The following CCL17 variants were observed in gnomAD, a reference collection of about 807,000 sequenced individuals.
CCL17 encodes the protein C-C motif chemokine ligand 17.
In CCL17, 8 loss-of-function variants were observed where a neutral mutation model predicts 7.4. The observed-to-expected ratio is 1.09, with a 90% CI of 0.64 to 1.96. The LOEUF (loss-of-function observed/expected upper bound fraction) is 1.96, where lower values mean the gene tolerates loss of function less well. Among genes scored for constraint, CCL17 ranks in the 30% most tolerant of loss-of-function variants. CCL17 has a pLI of 0.00. For missense variants in CCL17, 102 were observed against 113.0 expected (o/e 0.90, Z 0.44); for synonymous variants, 40 against 46.1 (o/e 0.87, Z 0.54).
the CCL17 span, among the ~76,000 whole-genome samples, chr16:57,399,657 C>T: frequency 6.6e-6 from 1 of 152,072 alleles, no homozygotes; most frequent in Non-Finnish European, 1.5e-5. Flanking sequence ...ACCATGTTGG[C>T]CAGGCTGGTC....
intron 1 of CCL17, among the ~76,000 whole-genome samples, chr16:57,412,718 G>A (rs1902803797): frequency 6.6e-6 from 1 of 152,060 alleles, no homozygotes; most frequent in Non-Finnish European, 1.5e-5. Flanking sequence ...TGCCCTGCCT[G>A]GAGCTGCCCT....
At chr16:57,408,423 A>AT (rs113022368) in intron 1 of CCL17, among the ~76,000 whole-genome samples, 33,411 of 151,992 alleles carry the variant, frequency 0.22, 7,335 homozygotes, top group African/African-American at 0.57. Flanking sequence ...ACATATATAT[A>AT]TTTTTTGAGA....
chr16:57,413,931 C>T lies in CCL17; in HGVS notation c.-2C>T. On this transcript the variant is annotated 5_prime_UTR_variant, in exon 2 of 4. Coordinates refer to ENST00000219244, the MANE Select transcript of CCL17 (RefSeq NM_002987.3). ...GAGACTCCCTCCTGGGCTCCTGGCA[C>T]CATGGCCCCACTGAAGATGCTGGCC... is the stretch of plus-strand genomic sequence containing the variant. 1 of 1,606,204 alleles carries T rather than the reference C, an allele frequency of 6.2e-7. No individual in the cohort carries two copies. The highest frequency in any genetic ancestry group is 1.3e-5 in the African/African-American group (1 of 74,890).
chr16:57,413,837 G>A (rs931547012), intron 1 of CCL17, 37 bp from the exon 2 acceptor site: 14 of 1,052,678 alleles, frequency 1.3e-5, no homozygotes, highest in Middle Eastern at 2.1e-4. Flanking sequence ...CCCCCAAAGA[G>A]GTTAAATAGG....
At chr16:57,403,006 T>C (rs369615021), upstream of CCL17, among the ~76,000 whole-genome samples, 4 of 103,878 alleles carry the variant, frequency 3.9e-5, no homozygotes, top group South Asian at 5.3e-4. Context: ...TGTCAGAGGA[T>C]ATAAGCATTT....
Position 57,412,129 on chromosome 16 carries a change from G to A in CCL17, c.-59-1745G>A, listed in dbSNP as rs142694936. Among the ~76,000 whole-genome samples the A allele has an allele frequency of 2.0e-4, 31 of 152,326 alleles. No homozygotes were observed. In the East Asian group the frequency reaches 4.4e-3, roughly 22 times the overall value. ...GGACCCCATCTTCCTGAGATCTACCGTTTTGGCAGAGCTCTGTGGGACAGA... is the reference window on the plus strand; with the variant it reads ...GGACCCCATCTTCCTGAGATCTACCATTTTGGCAGAGCTCTGTGGGACAGA... On this transcript the variant is annotated intron_variant, in intron 1 of 3. Coordinates refer to ENST00000219244, the MANE Select transcript of CCL17 (RefSeq NM_002987.3).
intron 1 of CCL17, 55 bp downstream of exon 1, chr16:57,404,891 C>G (rs952251622): frequency 6.5e-6 from 1 of 154,320 alleles, no homozygotes; most frequent in Admixed American, 6.5e-5. Flanking sequence ...GTGACCCCCT[C>G]GCTGGATCTT....
intron 1 of CCL17, among the ~76,000 whole-genome samples, chr16:57,406,080 C>G (rs1902692388): frequency 6.6e-6 from 1 of 151,590 alleles, no homozygotes; most frequent in Non-Finnish European, 1.5e-5. Context: ...GGTAAAAGAT[C>G]TGGGGTAGAT....
chr16:57,411,126 C>T (rs192977645), intron 1 of CCL17, among the ~76,000 whole-genome samples: 2 of 152,334 alleles, frequency 1.3e-5, no homozygotes, highest in East Asian at 3.9e-4. Flanking sequence ...CCTACAGCCA[C>T]CTCTTTCAGG....
At chr16:57,414,418 T>TTTTTC (rs1902834783) in intron 2 of CCL17, among the ~76,000 whole-genome samples, 1 of 133,160 alleles carries the variant, frequency 7.5e-6, no homozygotes, top group Admixed American at 7.5e-5. Flanking sequence ...TTCTTTTTTT[T>TTTTTC]TTTTTTTTTT....
At chr16:57,403,820 C>A (rs1902656711), upstream of CCL17, among the ~76,000 whole-genome samples, 1 of 148,456 alleles carries the variant, frequency 6.7e-6, no homozygotes, top group African/African-American at 2.5e-5. Flanking sequence ...CCACGCTCAG[C>A]TGATTTTTGT....
upstream of CCL17, among the ~76,000 whole-genome samples, chr16:57,403,487 A>AT (rs1452803723): frequency 6.5e-5 from 1 of 15,272 alleles, no homozygotes; most frequent in Non-Finnish European, 9.3e-5. Flanking sequence ...ATTATATAAT[A>AT]ATATATATAT....
chr16:57,408,621 T>A (rs567498442), intron 1 of CCL17, among the ~76,000 whole-genome samples: 1 of 151,564 alleles, frequency 6.6e-6, no homozygotes, highest in East Asian at 1.9e-4. Flanking sequence ...CAGGAGGGAG[T>A]GCAGTGGTGT....
chr16:57,399,352 A>G, the CCL17 span, among the ~76,000 whole-genome samples: 1 of 152,204 alleles, frequency 6.6e-6, no homozygotes, highest in East Asian at 1.9e-4. Flanking sequence ...CACCAGGGCA[A>G]CAGCAGTGGT....
chr16:57,406,449 T>C (rs755118574), intron 1 of CCL17, among the ~76,000 whole-genome samples: 12 of 152,162 alleles, frequency 7.9e-5, no homozygotes, highest in Non-Finnish European at 1.6e-4. Context: ...TTCCTAATTT[T>C]CTCATCTGTA....
intron 1 of CCL17, among the ~76,000 whole-genome samples, chr16:57,407,948 G>T (rs991369692): frequency 7.4e-6 from 1 of 135,934 alleles, no homozygotes; most frequent in Admixed American, 7.3e-5. Context: ...CTCACCATCC[G>T]TCCACACATC....
chr16:57,415,935 C>A lies in CCL17; in HGVS notation c.*74C>A. 2 of 985,736 alleles carry A rather than the reference C, an allele frequency of 2.0e-6. No homozygotes were observed. The highest frequency in any genetic ancestry group is 3.2e-6 in the Non-Finnish European group (2 of 618,888). The allele number at this position is 985,736 out of a possible 1,614,324, so 61.1% of individuals were successfully genotyped here. A position where few individuals can be genotyped will look rare whatever the true frequency, so the allele number is the denominator to read the frequency against. On this transcript the variant is annotated 3_prime_UTR_variant, in exon 4 of 4. Transcript: ENST00000219244. The surrounding 1 kb of genome is among the most constrained non-coding windows in gnomAD (Gnocchi z 4.5). Reference sequence around the variant, plus strand: ...CTCCACCGTTGGTGTTCACCGCCCCCACCCTGAGCGCCTGGGTCCAGGGGA... The same window carrying A: ...CTCCACCGTTGGTGTTCACCGCCCCAACCCTGAGCGCCTGGGTCCAGGGGA...
At position 57,415,935 on chromosome 16, in the gene CCL17, C is replaced by G. The variant is rs1902863831; in HGVS notation, c.*74C>G. The G allele has an allele frequency of 2.0e-6, 2 of 985,618 alleles. No homozygotes were observed. Among genetic ancestry groups the G allele is most frequent in the Non-Finnish European group, 3.2e-6 (2 of 618,896 alleles). The allele number at this position is 985,618 out of a possible 1,614,324, so 61.1% of individuals were successfully genotyped here. On this transcript the variant is annotated 3_prime_UTR_variant, in exon 4 of 4. Coordinates refer to ENST00000219244, the MANE Select transcript of CCL17 (RefSeq NM_002987.3). This position sits in a 1 kb window ranked among gnomAD's most constrained non-coding sequence, Gnocchi z 4.5. ...CTCCACCGTTGGTGTTCACCGCCCC[C>G]ACCCTGAGCGCCTGGGTCCAGGGGA...
At chr16:57,413,174 G>C (rs557366084) in intron 1 of CCL17, among the ~76,000 whole-genome samples, 1 of 152,336 alleles carries the variant, frequency 6.6e-6, no homozygotes, top group East Asian at 1.9e-4. Flanking sequence ...AGGGGAACGT[G>C]GTTTCCTGAG....
Sources: allele counts gnomAD v4.1 joint callset (sites outside exome capture counted in the v4.1 genomes callset), GRCh38; gene constraint gnomAD v4.1.1; non-coding constraint Gnocchi (gnomAD v3.1); transcripts MANE v1.5; gene names NCBI Gene and HGNC (gene_info 2026-07-23, HGNC 2026-07-21).